STIMATE: variants seen among roughly 807,000 people sequenced by gnomAD.
STIMATE encodes store-operated calcium entry regulator STIMATE.
STIMATE carries 15 observed loss-of-function variants against 36.7 expected under a neutral mutation model. The observed-to-expected ratio is 0.41, with a 90% CI of 0.27 to 0.63. The LOEUF (loss-of-function observed/expected upper bound fraction) is 0.63, where lower values mean the gene tolerates loss of function less well. Ranked by LOEUF, STIMATE falls within the 20% of genes least tolerant of loss-of-function variation. STIMATE has a pLI of 0.32. For missense variants in STIMATE, 305 were observed against 397.3 expected (o/e 0.77, Z 1.98); for synonymous variants, 163 against 162.3 (o/e 1.00, Z -0.03).
intron 1 of STIMATE, among the ~76,000 whole-genome samples, chr3:52,889,235 G>C (rs9880978): frequency 0.55 from 83,760 of 152,000 alleles, 24,034 homozygotes; most frequent in Non-Finnish European, 0.63. Flanking sequence ...ACCAACAACT[G>C]AACTTCTGTC....
chr3:52,896,490 G>A (rs1263001221), intron 1 of STIMATE, among the ~76,000 whole-genome samples: 1 of 152,102 alleles, frequency 6.6e-6, no homozygotes, highest in Non-Finnish European at 1.5e-5. Context: ...CAGCACACAT[G>A]AGAACAGGGT....
At chr3:52,843,895 C>G in intron 5 of STIMATE, 97 bp from the exon 6 acceptor site, 3 of 1,518,418 alleles carry the variant, frequency 2.0e-6, no homozygotes, top group Non-Finnish European at 2.7e-6. Flanking sequence ...GGAGCCTTAG[C>G]TTAAGACGCT....
intron 1 of STIMATE, among the ~76,000 whole-genome samples, chr3:52,880,630 C>T (rs1203160591): frequency 6.6e-6 from 1 of 152,072 alleles, no homozygotes; most frequent in Non-Finnish European, 1.5e-5. Flanking sequence ...GCTGCTGGTA[C>T]CTTTGAAAGG....
At chr3:52,861,423 G>C (rs1363964045) in intron 1 of STIMATE, among the ~76,000 whole-genome samples, 5 of 152,206 alleles carry the variant, frequency 3.3e-5, no homozygotes, top group Non-Finnish European at 7.3e-5. Context: ...CTGAAGACAG[G>C]CATGGGTCTC....
In STIMATE at chr3:52,856,648, C is replaced by T. The variant is rs141713894; in HGVS notation, c.161-1204G>A. On this transcript the variant is annotated intron_variant, in intron 1 of 7. Coordinates refer to ENST00000355083, the MANE Select transcript of STIMATE (RefSeq NM_198563.5). ...GCAGTGAGCCAAGACTGCACCATTGCACTCCTGTCTGGGCAACAGAGCGAG... is the reference window on the plus strand; with the variant it reads ...GCAGTGAGCCAAGACTGCACCATTGTACTCCTGTCTGGGCAACAGAGCGAG... Among the ~76,000 whole-genome samples the T allele has an allele frequency of 1.5e-3, 223 of 152,062 alleles. 8 individuals carry two copies. The East Asian group carries it at 0.038, about 26-fold the overall frequency.
At chr3:52,882,554 C>T (rs1434140061) in intron 1 of STIMATE, among the ~76,000 whole-genome samples, 4 of 152,146 alleles carry the variant, frequency 2.6e-5, no homozygotes, top group Non-Finnish European at 4.4e-5. Context: ...TTGGCTGACA[C>T]GCTCATGCTC....
chr3:52,868,218 G>T (rs940932653), intron 1 of STIMATE, among the ~76,000 whole-genome samples: 2 of 152,204 alleles, frequency 1.3e-5, no homozygotes, highest in Non-Finnish European at 2.9e-5. Context: ...TAGCCTGCTG[G>T]CTGCTTCCCA....
At chr3:52,858,129 G>A (rs1289966547) in intron 1 of STIMATE, among the ~76,000 whole-genome samples, 2 of 152,174 alleles carry the variant, frequency 1.3e-5, no homozygotes, top group Non-Finnish European at 2.9e-5. Flanking sequence ...GAGAAAATAA[G>A]TGTCTATTGT....
chr3:52,895,715 A>T (rs1407727892), intron 1 of STIMATE, among the ~76,000 whole-genome samples: 1 of 152,234 alleles, frequency 6.6e-6, no homozygotes, highest in Non-Finnish European at 1.5e-5. Context: ...CTAGGGGACA[A>T]GCCGGGCCAT....
Position 52,897,471 on chromosome 3 carries a change from C to A in STIMATE, c.-21G>T. On this transcript the variant is annotated 5_prime_UTR_variant, in exon 1 of 8. Coordinates refer to ENST00000355083, the MANE Select transcript of STIMATE (RefSeq NM_198563.5). ...TGCATGACAGGCCTCGCGGGAGGGG[C>A]GCGAGGGCCCAGGGCCCGCCCGGCC... 2 of 1,281,300 alleles carry A rather than the reference C, an allele frequency of 1.6e-6. No individual in the cohort carries two copies. Among genetic ancestry groups the A allele is most frequent in the South Asian group, 4.8e-5 (2 of 41,986 alleles). 79.4% of individuals were successfully genotyped at this position (1,281,300 alleles called of 1,614,324 possible). A position where few individuals can be genotyped will look rare whatever the true frequency, so the allele number is the denominator to read the frequency against.
At chr3:52,873,046 T>G (rs1165291160) in intron 1 of STIMATE, among the ~76,000 whole-genome samples, 1 of 152,258 alleles carries the variant, frequency 6.6e-6, no homozygotes, top group African/African-American at 2.4e-5. Context: ...TTTAGCCAGC[T>G]TTAATCCTGC....
At position 52,870,648 on chromosome 3, in the gene STIMATE, G is replaced by A. The variant is rs540242114; in HGVS notation, c.161-15204C>T. On this transcript the variant is annotated intron_variant, in intron 1 of 7. Coordinates refer to ENST00000355083, the MANE Select transcript of STIMATE (RefSeq NM_198563.5). ...GTGAATGCATGGTGTCCTGCTGCGC[G>A]GGCAGGGTGGCCCCATGGGAGGCAG... 7.7e-5 allele frequency among the ~76,000 whole-genome samples: 11 copies of A among 143,746 alleles called. No homozygotes were observed. The East Asian group carries it at 1.2e-3, about 15-fold the overall frequency. The allele number at this position is 143,746 out of a possible 152,430, so 94.3% of individuals were successfully genotyped here. A position where few individuals can be genotyped will look rare whatever the true frequency, so the allele number is the denominator to read the frequency against.
chr3:52,879,684 T>C (rs1701569686), intron 1 of STIMATE, among the ~76,000 whole-genome samples: 1 of 152,170 alleles, frequency 6.6e-6, no homozygotes, highest in African/African-American at 2.4e-5. Flanking sequence ...CTCTCAAATT[T>C]TCCTTCCACA....
intron 1 of STIMATE, among the ~76,000 whole-genome samples, 168 bp downstream of exon 1, chr3:52,897,123 G>A (rs1336787330): frequency 6.6e-6 from 1 of 152,200 alleles, no homozygotes; most frequent in Non-Finnish European, 1.5e-5. Flanking sequence ...CAGCGAGTAG[G>A]TGAGGGGCTC....
At chr3:52,896,835 A>T (rs1701872078) in intron 1 of STIMATE, among the ~76,000 whole-genome samples, 1 of 152,204 alleles carries the variant, frequency 6.6e-6, no homozygotes, top group African/African-American at 2.4e-5. Flanking sequence ...AAGTAGCAGG[A>T]TTTAAATGTG....
At chr3:52,891,198 G>A (rs977682357) in intron 1 of STIMATE, among the ~76,000 whole-genome samples, 4 of 152,218 alleles carry the variant, frequency 2.6e-5, no homozygotes, top group African/African-American at 9.7e-5. Context: ...TGTGGAAAGA[G>A]GGGTGGAAAA....
In STIMATE at chr3:52,840,532, C is replaced by A; in HGVS notation, c.847G>T (p.Val283Leu). The A allele has an allele frequency of 6.2e-7, 1 of 1,614,052 alleles. No individual in the cohort carries two copies. The highest frequency in any genetic ancestry group is 8.5e-7 in the Non-Finnish European group (1 of 1,179,968). The change falls in exon 8 of 8, where the codon GTG (valine) becomes TTG (leucine). Residue 283 changes from valine (V) to leucine (L), a missense_variant. By Grantham distance (32) the Val-to-Leu change is conservative (BLOSUM62 1). This residue lies in a region of STIMATE where 84 missense variants were observed against 82.4 expected (regional missense o/e 1.02). Transcript: ENST00000355083. Reference sequence around the variant, plus strand: ...CCAAAGCGGTGCTTCTTTTTCTTCACAGGCTTGAGGGGGGTCAGTCTGCGG... The same window carrying A: ...CCAAAGCGGTGCTTCTTTTTCTTCAAAGGCTTGAGGGGGGTCAGTCTGCGG... ...DLRRLTPLKP[V>L]KKKKHRFGLP...
At chr3:52,843,681 C>T in intron 6 of STIMATE, 40 bp downstream of exon 6, 11 of 1,613,886 alleles carry the variant, frequency 6.8e-6, no homozygotes, top group Non-Finnish European at 9.3e-6. Context: ...CCCTGCCAGA[C>T]AGGGAGCAAA....
chr3:52,870,202 C>T (rs1312166851), intron 1 of STIMATE, among the ~76,000 whole-genome samples: 1 of 152,210 alleles, frequency 6.6e-6, no homozygotes, highest in Admixed American at 6.5e-5. Flanking sequence ...AGGTGATCCA[C>T]CTGCCTTGGC....
Sources: gnomAD v4.1 joint callset for allele counts (sites outside exome capture counted in the v4.1 genomes callset) on GRCh38, gnomAD v4.1.1 for gene constraint, gnomAD v4.1.1 regional missense constraint, MANE v1.5 for transcripts, NCBI Gene and HGNC (gene_info 2026-07-23, HGNC 2026-07-21) for gene names.